Variants in CACNA1C observed in about 807,000 individuals in gnomAD.
The protein encoded by CACNA1C is calcium voltage-gated channel subunit alpha1 C, also known as voltage-dependent L-type calcium channel subunit alpha-1C.
CACNA1C carries 30 observed loss-of-function variants against 229.0 expected under a neutral mutation model. The ratio of observed to expected loss-of-function variants is 0.13; its 90% CI spans 0.10 to 0.18. The LOEUF (loss-of-function observed/expected upper bound fraction) is 0.18, where lower values mean the gene tolerates loss of function less well. Among genes scored for constraint, CACNA1C ranks in the 10% least tolerant of loss-of-function variants. The pLI, the probability that CACNA1C is intolerant of heterozygous loss-of-function variation, is 1.00. For synonymous variants in CACNA1C, 1,114 were observed against 1,132.5 expected (o/e 0.98, Z 0.33); for missense variants, 1,658 against 2,845.0 (o/e 0.58, Z 9.49).
rs2032309108 is a variant in CACNA1C at position 1,971,610 on chromosome 12, T to C, written c.139+409T>C. 6.6e-6 allele frequency among the ~76,000 whole-genome samples: 1 copy of C among 152,214 alleles called. No homozygotes were observed. The highest frequency in any genetic ancestry group is 2.4e-5 in the African/African-American group (1 of 41,456). ...TCAGTAGTGGTATTTTCTTTTTAAATTTCTTCAGTGGAAAAACCAAAAGCT... is the reference window on the plus strand; with the variant it reads ...TCAGTAGTGGTATTTTCTTTTTAAACTTCTTCAGTGGAAAAACCAAAAGCT... On this transcript the variant is annotated intron_variant, in intron 1 of 46. Coordinates refer to the CACNA1C transcript ENST00000682462. This position sits in a 1 kb window ranked among gnomAD's most constrained non-coding sequence, Gnocchi z 4.2.
chr12:2,055,467 A>G (rs747791142), intron 1 of CACNA1C, among the ~76,000 whole-genome samples: 6 of 152,238 alleles, frequency 3.9e-5, no homozygotes, highest in Non-Finnish European at 8.8e-5. Flanking sequence ...CTAGTTTACA[A>G]GGTCTCCTCT....
At chr12:2,004,437 C>T in intron 1 of CACNA1C, 2 of 1,606,486 alleles carry the variant, frequency 1.2e-6, no homozygotes, top group Non-Finnish European at 1.7e-6. Flanking sequence ...GCCATCTTCC[C>T]TCCCTCCCAG....
In CACNA1C at chr12:2,016,336, G is replaced by C. The variant is rs74676225; in HGVS notation, c.139+45135G>C. Among the ~76,000 whole-genome samples, 6 of 152,280 alleles carry C rather than the reference G, an allele frequency of 3.9e-5. No homozygotes were observed. In the East Asian group the frequency reaches 1.2e-3, roughly 29 times the overall value. On this transcript the variant is annotated intron_variant, in intron 1 of 46. Coordinates refer to the CACNA1C transcript ENST00000682462. ...TAAATACAGACCCTGCCTTCCAGGA[G>C]CTTAAAGTTTAATGGAGGAGATACA...
At chr12:2,330,212 G>A (rs1258091067) in intron 3 of CACNA1C, among the ~76,000 whole-genome samples, 2 of 152,104 alleles carry the variant, frequency 1.3e-5, no homozygotes, top group Non-Finnish European at 2.9e-5. Context: ...TGCCTACGTA[G>A]GTCAATGCCA....
intron 3 of CACNA1C, among the ~76,000 whole-genome samples, chr12:2,223,884 A>T (rs1299584670): frequency 1.3e-5 from 2 of 152,218 alleles, no homozygotes; most frequent in Non-Finnish European, 2.9e-5. Flanking sequence ...TATTGAGTAA[A>T]TGATAATACA....
rs1042347567 is a variant in CACNA1C, at chr12:2,152,479, A to G, written c.477+32049A>G. On this transcript the variant is annotated intron_variant, in intron 3 of 46. Coordinates refer to ENST00000399655, the MANE Select transcript of CACNA1C (RefSeq NM_000719.7). The surrounding 1 kb of genome is among the most constrained non-coding windows in gnomAD (Gnocchi z 4.2). Reference sequence around the variant, plus strand: ...TCATGGTGAGGAGCCATTTCATATCATGCAGACTAAAAGACCCTTTCCAGG... The same window carrying G: ...TCATGGTGAGGAGCCATTTCATATCGTGCAGACTAAAAGACCCTTTCCAGG... Among the ~76,000 whole-genome samples, 5 of 152,300 alleles carry G rather than the reference A, an allele frequency of 3.3e-5. 1 individual carries two copies. The highest frequency in any genetic ancestry group is 1.3e-4 in the Admixed American group (2 of 15,306).
chr12:2,622,226 G>T (rs540060687), intron 29 of CACNA1C, among the ~76,000 whole-genome samples: 15 of 152,236 alleles, frequency 9.9e-5, no homozygotes, highest in Admixed American at 3.9e-4. Context: ...CCAGAATGCT[G>T]CCCTGCTGTC....
At chr12:2,444,072 T>C (rs1076342) in intron 3 of CACNA1C, among the ~76,000 whole-genome samples, 28,139 of 152,072 alleles carry the variant, frequency 0.19, 2,724 homozygotes, top group Middle Eastern at 0.21. Flanking sequence ...TTACTGGCTC[T>C]CTGGGCCCTT....
intron 3 of CACNA1C, among the ~76,000 whole-genome samples, chr12:2,399,087 T>C (rs1213125373): frequency 6.6e-6 from 1 of 152,092 alleles, no homozygotes; most frequent in African/African-American, 2.4e-5. Context: ...TGCTGCACTC[T>C]AACCCTTTGT....
In CACNA1C at chr12:2,378,309, G is replaced by A. The variant is rs540008894; in HGVS notation, c.478-70667G>A. 1.2e-4 allele frequency among the ~76,000 whole-genome samples: 18 copies of A among 152,232 alleles called. No individual in the cohort carries two copies. The East Asian group carries it at 1.9e-3, about 16-fold the overall frequency. ...GTTCCAGGCATCCTAAGGGAAGCAC[G>A]GGCCTCTGCATGTGGATGGGTTCGA... On this transcript the variant is annotated intron_variant, in intron 3 of 46. Transcript: ENST00000399655.
At chr12:2,656,670 A>T (rs1310639124) in intron 34 of CACNA1C, among the ~76,000 whole-genome samples, 1 of 152,190 alleles carries the variant, frequency 6.6e-6, no homozygotes, top group Non-Finnish European at 1.5e-5. Context: ...ACAATGCATG[A>T]TATAAAAATC....
Position 2,667,836 on chromosome 12 carries a change from T to A in CACNA1C, c.4623+1054T>A, listed in dbSNP as rs921068107. Among the ~76,000 whole-genome samples the A allele has an allele frequency of 2.6e-5, 4 of 151,882 alleles. No homozygotes were observed. The South Asian group carries it at 8.3e-4, about 32-fold the overall frequency. ...TCTAGACACTGAGATTAGCAGGAGG[T>A]CACCGTGTGAGCTGACAAATAGCCC... On this transcript the variant is annotated intron_variant, in intron 37 of 46. Coordinates refer to ENST00000399655, the MANE Select transcript of CACNA1C (RefSeq NM_000719.7).
intron 3 of CACNA1C, among the ~76,000 whole-genome samples, chr12:2,357,670 A>AG (rs925798604): frequency 6.6e-6 from 1 of 151,150 alleles, no homozygotes; most frequent in African/African-American, 2.4e-5. Flanking sequence ...TCCTTAAAAA[A>AG]AAAAAAAAAA....
intron 29 of CACNA1C, among the ~76,000 whole-genome samples, chr12:2,629,358 C>T (rs186246730): frequency 6.6e-6 from 1 of 152,264 alleles, no homozygotes; most frequent in African/African-American, 2.4e-5. Context: ...GCAGAGGACC[C>T]GGGAGGTAGG....
At position 2,601,715 on chromosome 12, in the gene CACNA1C, C is replaced by T. The variant is rs529587891; in HGVS notation, c.2854-139C>T. The T allele has an allele frequency of 3.2e-5, 22 of 684,978 alleles. No homozygotes were observed. The highest frequency in any genetic ancestry group is 1.1e-4 in the East Asian group (4 of 37,056). The allele number at this position is 684,978 out of a possible 1,614,324, so 42.4% of individuals were successfully genotyped here. A position where few individuals can be genotyped will look rare whatever the true frequency, so the allele number is the denominator to read the frequency against. The stretch of plus-strand genomic sequence containing the variant: ...AACTCTTTTCTTGGCACCATAGCGC[C>T]GTCTTTGTCCTTCCTGTTCCCCATG... On this transcript the variant is annotated intron_variant, in intron 21 of 46. Transcript: ENST00000399655. This position sits in a 1 kb window ranked among gnomAD's most constrained non-coding sequence, Gnocchi z 5.9.
chr12:2,283,124 A>G (rs1437137508), intron 3 of CACNA1C, among the ~76,000 whole-genome samples: 2 of 151,982 alleles, frequency 1.3e-5, no homozygotes, highest in African/African-American at 2.4e-5. Context: ...TTGTTAAAAT[A>G]TAGGTTTGGA....
intron 1 of CACNA1C, among the ~76,000 whole-genome samples, chr12:1,983,309 A>T (rs2036700472): frequency 6.6e-6 from 1 of 150,544 alleles, no homozygotes; most frequent in Non-Finnish European, 1.5e-5. Context: ...CTCTTCTCCT[A>T]TTTTCTTTAA....
chr12:2,519,547 C>T (rs1016153479), intron 9 of CACNA1C, among the ~76,000 whole-genome samples: 1 of 152,126 alleles, frequency 6.6e-6, no homozygotes, highest in Non-Finnish European at 1.5e-5. Context: ...TGGAAACAGG[C>T]GAATAAGCAC....
At chr12:2,576,501 AG>A (rs753912211) in intron 13 of CACNA1C, among the ~76,000 whole-genome samples, 11 of 152,130 alleles carry the variant, frequency 7.2e-5, no homozygotes, top group Non-Finnish European at 1.3e-4. Flanking sequence ...TTCTCTCCAA[AG>A]CTCTTGCCTT....
Sources: allele counts gnomAD v4.1 joint callset (sites outside exome capture counted in the v4.1 genomes callset), GRCh38; gene constraint gnomAD v4.1.1; non-coding constraint Gnocchi (gnomAD v3.1); transcripts MANE v1.5; gene names NCBI Gene and HGNC (gene_info 2026-07-23, HGNC 2026-07-21).